Variants in KYNU observed in about 807,000 individuals in gnomAD.
KYNU encodes kynureninase.
In KYNU, 54 loss-of-function variants were observed where a neutral mutation model predicts 59.2. That is an observed-to-expected ratio of 0.91 (90% CI 0.73 to 1.14). KYNU has a LOEUF of 1.14. Ranked by LOEUF, KYNU falls within the 50% of genes most tolerant of loss-of-function variation. KYNU has a pLI of 0.00. For synonymous variants in KYNU, 177 were observed against 192.0 expected (o/e 0.92, Z 0.65); for missense variants, 567 against 554.4 (o/e 1.02, Z -0.23).
In KYNU at chr2:143,054,629, G is replaced by C. The variant is rs1005717232; in HGVS notation, c.*12457G>C. ...ACTGCACCACTCTGCAGTACAGTCA[G>C]GAAATAAGAAACCAAGTCCAATCAA... On this transcript the variant is annotated 3_prime_UTR_variant, in exon 14 of 14. Transcript: ENST00000264170. 4.6e-5 allele frequency: 7 copies of C among 152,116 alleles called. No homozygotes were observed. Among genetic ancestry groups the C allele is most frequent in the African/African-American group, 1.4e-4 (6 of 41,430 alleles). 9.4% of individuals were successfully genotyped at this position (152,116 alleles called of 1,614,324 possible). A position where few individuals can be genotyped will look rare whatever the true frequency, so the allele number is the denominator to read the frequency against.
chr2:142,977,532 C>T (rs975751628), intron 8 of KYNU, among the ~76,000 whole-genome samples: 22 of 152,096 alleles, frequency 1.4e-4, no homozygotes, highest in Middle Eastern at 3.4e-3. Flanking sequence ...TACTAAATTT[C>T]ACTGAAGCTC....
Position 143,049,010 on chromosome 2 carries a change from A to G in KYNU, c.*6838A>G, listed in dbSNP as rs187948197. 57 of 152,088 alleles carry G rather than the reference A, an allele frequency of 3.7e-4. No homozygotes were observed. The highest frequency in any genetic ancestry group is 1.3e-3 in the African/African-American group (55 of 41,486). The allele number at this position is 152,088 out of a possible 1,614,324, so 9.4% of individuals were successfully genotyped here. A position where few individuals can be genotyped will look rare whatever the true frequency, so the allele number is the denominator to read the frequency against. On this transcript the variant is annotated 3_prime_UTR_variant, in exon 14 of 14. Coordinates refer to ENST00000264170, the MANE Select transcript of KYNU (RefSeq NM_003937.3). ...ATTATTGTGTTTATTCTATTTCTTT[A>G]TTTGCTGTCTATCCAAGATTTGAGG... is the stretch of plus-strand genomic sequence containing the variant.
intron 2 of KYNU, among the ~76,000 whole-genome samples, chr2:142,905,269 A>G (rs1370397606): frequency 3.3e-5 from 5 of 152,202 alleles, no homozygotes; most frequent in Non-Finnish European, 7.3e-5. Flanking sequence ...GGAGAAAAAG[A>G]TGGGCTTGCT....
intron 2 of KYNU, among the ~76,000 whole-genome samples, chr2:142,886,052 CAACA>C (rs769691523): frequency 1.1e-4 from 17 of 152,000 alleles, no homozygotes; most frequent in Admixed American, 9.8e-4. Flanking sequence ...AACAAATGCC[CAACA>C]AATACATACT....
At chr2:142,893,662 G>A (rs955520420) in intron 2 of KYNU, among the ~76,000 whole-genome samples, 2 of 151,988 alleles carry the variant, frequency 1.3e-5, no homozygotes, top group Non-Finnish European at 2.9e-5. Flanking sequence ...AAGATGGTAT[G>A]GGAAAAAAAA....
At chr2:143,005,886 T>C (rs1685865552) in intron 10 of KYNU, among the ~76,000 whole-genome samples, 1 of 152,148 alleles carries the variant, frequency 6.6e-6, no homozygotes, top group African/African-American at 2.4e-5. Context: ...AGTCTAAAGC[T>C]ACAAGTACAC....
Position 142,954,355 on chromosome 2 carries a change from T to C in KYNU, c.374-455T>C, listed in dbSNP as rs1421426622. Reference sequence around the variant, plus strand: ...ATTTCACTGTAATAACAGTGAGTTATGATTCACAAAGTTTGCCTCCTTTTA... The same window carrying C: ...ATTTCACTGTAATAACAGTGAGTTACGATTCACAAAGTTTGCCTCCTTTTA... On this transcript the variant is annotated intron_variant, in intron 4 of 13. Transcript: ENST00000264170. Among the ~76,000 whole-genome samples the C allele has an allele frequency of 7.9e-5, 12 of 152,228 alleles. No homozygotes were observed. In the East Asian group the frequency reaches 1.9e-3, roughly 24 times the overall value.
At chr2:143,003,703 A>T (rs1410788154) in intron 10 of KYNU, among the ~76,000 whole-genome samples, 1 of 152,106 alleles carries the variant, frequency 6.6e-6, no homozygotes, top group Admixed American at 6.5e-5. Flanking sequence ...TGTAAACCAG[A>T]TGATATGGGT....
At chr2:142,922,664 C>A (rs575720509) in intron 3 of KYNU, among the ~76,000 whole-genome samples, 89 of 152,202 alleles carry the variant, frequency 5.8e-4, no homozygotes, top group South Asian at 2.1e-3. Flanking sequence ...AGTTTTATGG[C>A]CTATTGCAGA....
intron 2 of KYNU, among the ~76,000 whole-genome samples, chr2:142,910,441 A>G (rs1207856660): frequency 1.3e-5 from 2 of 151,982 alleles, no homozygotes; most frequent in Non-Finnish European, 2.9e-5. Flanking sequence ...TCGCTTGTCG[A>G]ATTGCTTAAA....
intron 2 of KYNU, among the ~76,000 whole-genome samples, chr2:142,897,728 T>C (rs1170764757): frequency 1.3e-5 from 2 of 152,204 alleles, no homozygotes; most frequent in Non-Finnish European, 2.9e-5. Flanking sequence ...CACTTAAGTT[T>C]CTCAAATGAA....
intron 2 of KYNU, among the ~76,000 whole-genome samples, chr2:142,917,631 G>C (rs1682709101): frequency 6.6e-6 from 1 of 152,110 alleles, no homozygotes; most frequent in Admixed American, 6.5e-5. Flanking sequence ...TGGGAAATGG[G>C]GAGGCATATC....
intron 10 of KYNU, among the ~76,000 whole-genome samples, chr2:142,993,517 A>G (rs1282804471): frequency 6.6e-6 from 1 of 152,052 alleles, no homozygotes; most frequent in Non-Finnish European, 1.5e-5. Flanking sequence ...CCACTTGAAG[A>G]AAACTCATCT....
chr2:143,003,472 A>C (rs1685770752), intron 10 of KYNU, among the ~76,000 whole-genome samples: 1 of 152,222 alleles, frequency 6.6e-6, no homozygotes, highest in African/African-American at 2.4e-5. Context: ...AATCCCCGCT[A>C]TTCAGGAGGC....
chr2:142,954,453 G>A (rs1431818016), intron 4 of KYNU, among the ~76,000 whole-genome samples: 7 of 152,034 alleles, frequency 4.6e-5, no homozygotes, highest in Admixed American at 4.6e-4. Context: ...TATCTTTTTA[G>A]ATTCCTTTGA....
chr2:142,976,552 T>C (rs74450526), intron 8 of KYNU, among the ~76,000 whole-genome samples: 2,580 of 152,296 alleles, frequency 0.017, 73 homozygotes, highest in African/African-American at 0.059. Context: ...AATGATCGCC[T>C]TCTCTATGCA....
chr2:143,018,295 T>C (rs953101032), intron 10 of KYNU, among the ~76,000 whole-genome samples: 6 of 152,226 alleles, frequency 3.9e-5, no homozygotes, highest in Admixed American at 1.3e-4. Context: ...AAGCTTTTAA[T>C]CCATCTCGAG....
chr2:143,037,341 A>G (rs530176903), intron 12 of KYNU, among the ~76,000 whole-genome samples: 66 of 152,312 alleles, frequency 4.3e-4, no homozygotes, highest in African/African-American at 1.5e-3. Flanking sequence ...TTTAAACAAT[A>G]CGTATATTAT....
intron 12 of KYNU, among the ~76,000 whole-genome samples, chr2:143,038,255 A>G (rs1686942316): frequency 6.6e-6 from 1 of 152,156 alleles, no homozygotes; most frequent in Admixed American, 6.5e-5. Context: ...ATTTCTTAGA[A>G]TATTATTAAG....
Sources: gnomAD v4.1 joint callset for allele counts (sites outside exome capture counted in the v4.1 genomes callset) on GRCh38, gnomAD v4.1.1 for gene constraint, MANE v1.5 for transcripts, NCBI Gene and HGNC (gene_info 2026-07-23, HGNC 2026-07-21) for gene names.